ATP2A3: variants seen among roughly 807,000 people sequenced by gnomAD.
ATP2A3 encodes sarcoplasmic/endoplasmic reticulum calcium ATPase 3.
ATP2A3 carries 61 observed loss-of-function variants against 106.8 expected under a neutral mutation model. The observed-to-expected ratio is 0.57, with a 90% CI of 0.46 to 0.71. ATP2A3 has a LOEUF of 0.71. ATP2A3 is among the 30% of genes least tolerant of loss of function. The pLI is 0.00. For synonymous variants in ATP2A3, 611 were observed against 609.3 expected, an observed-to-expected ratio of 1.00 and a Z score of -0.04; for missense variants, 1,201 against 1,423.5, an observed-to-expected ratio of 0.84 and a Z score of 2.52.
Position 3,947,542 on chromosome 17 carries a change from A to G in ATP2A3, c.944T>C (p.Ile315Thr), listed in dbSNP as rs2054181793. The G allele has an allele frequency of 1.2e-6, 2 of 1,613,184 alleles. No individual in the cohort carries two copies. Among genetic ancestry groups the G allele is most frequent in the Non-Finnish European group, 8.5e-7 (1 of 1,179,944 alleles). Residue 315 changes from isoleucine (I) to threonine (T), a missense_variant, in exon 8 of 21, where the codon ATC becomes ACC. Ile to Thr is a moderately conservative substitution (Grantham distance 89). Around this residue, in one of 2 missense-constraint regions of ATP2A3, gnomAD observed 935 missense variants for 1,176.7 expected, o/e 0.79. Transcript: ENST00000397041. The surrounding 1 kb of genome is among the most constrained non-coding windows in gnomAD (Gnocchi z 7.7). ...AAIPEGLPAV[I>T]TTCLALGTRR... is the part of the protein sequence containing the mutation. The stretch of plus-strand genomic sequence containing the variant: ...CGTGCCCAGTGCCAGGCATGTAGTG[A>G]TGACAGCCGGGAGGCCCTCGGGGAT...
At position 3,936,295 on chromosome 17, in the gene ATP2A3, C is replaced by G; in HGVS notation, c.2496G>C (p.Trp832Cys). Residue 832 changes from tryptophan (W) to cysteine (C), a missense_variant, in exon 16 of 21, where the codon TGG becomes TGC. This residue lies in a region of ATP2A3 where 935 missense variants were observed against 1,176.7 expected (regional missense o/e 0.79). Coordinates refer to ENST00000397041, the MANE Select transcript of ATP2A3 (RefSeq NM_005173.4). The surrounding 1 kb of genome is among the most constrained non-coding windows in gnomAD (Gnocchi z 5.4). ...RSPREALISGWLFFRYLAIGV... is the reference protein window; with the variant it reads ...RSPREALISGCLFFRYLAIGV... ...CGATAGCCAGGTATCGGAAGAAGAG[C>G]CAGCCACTGATGAGGGCTTCTCGGG... The G allele has an allele frequency of 1.9e-6, 3 of 1,614,034 alleles. No individual in the cohort carries two copies. Among genetic ancestry groups the G allele is most frequent in the Non-Finnish European group, 2.5e-6 (3 of 1,179,996 alleles).
intron 9 of ATP2A3, 35 bp from the exon 10 acceptor site, chr17:3,944,841 G>A (rs1163043374): frequency 1.3e-6 from 2 of 1,578,794 alleles, no homozygotes; most frequent in Admixed American, 3.6e-5. Flanking sequence ...GAGGACCTCG[G>A]CTCCGCCCCC....
At position 3,959,020 on chromosome 17, in the gene ATP2A3, T is replaced by C. The variant is rs184495898; in HGVS notation, c.118+5154A>G. On this transcript the variant is annotated intron_variant, in intron 1 of 20. Transcript: ENST00000397041. ...GATTCTCCTGCCTCAGCCTCCCAAA[T>C]AGCTGGGATTACAGGCGCCTGCCAC... 7.3e-5 allele frequency among the ~76,000 whole-genome samples: 11 copies of C among 151,646 alleles called. 1 individual carries two copies. The East Asian group carries it at 2.1e-3, about 29-fold the overall frequency.
intron 1 of ATP2A3, among the ~76,000 whole-genome samples, chr17:3,958,821 C>CAT (rs1211492319): frequency 0.15 from 16,812 of 110,772 alleles, 3,280 homozygotes; most frequent in Middle Eastern, 0.25. Flanking sequence ...TATATATACA[C>CAT]ACATATATAT....
rs1180337024 is a variant in ATP2A3, at chr17:3,924,966, G to A, written c.*456C>T. ...TCCCAGACCAGGCACGAAGAGAGAG[G>A]TCAGAGCCGGTAAGAAGGACCCCCA... On this transcript the variant is annotated 3_prime_UTR_variant, in exon 21 of 21. Transcript: ENST00000397041. The surrounding 1 kb of genome is among the most constrained non-coding windows in gnomAD (Gnocchi z 6.4). The A allele has an allele frequency of 5.1e-6, 2 of 393,388 alleles. No homozygotes were observed. Among genetic ancestry groups the A allele is most frequent in the Non-Finnish European group, 1.0e-5 (2 of 199,134 alleles). The allele number at this position is 393,388 out of a possible 1,614,324, so 24.4% of individuals were successfully genotyped here.
intron 1 of ATP2A3, among the ~76,000 whole-genome samples, chr17:3,956,713 GGAGT>G (rs1435949908): frequency 4.6e-5 from 7 of 152,210 alleles, no homozygotes; most frequent in African/African-American, 1.7e-4. Flanking sequence ...GCACTCAGCA[GGAGT>G]GAGAAATGAG....
intron 14 of ATP2A3, among the ~76,000 whole-genome samples, chr17:3,940,275 G>C (rs548683712): frequency 6.6e-6 from 1 of 152,056 alleles, no homozygotes; most frequent in South Asian, 2.1e-4. Flanking sequence ...GCCTCAAAAA[G>C]GAAAAACAGA....
intron 14 of ATP2A3, among the ~76,000 whole-genome samples, chr17:3,938,585 G>A (rs985763488): frequency 5.3e-5 from 8 of 151,352 alleles, no homozygotes; most frequent in South Asian, 2.1e-4. Context: ...TCACTCTATC[G>A]CCCAGGCTGG....
rs549698967 is a variant in ATP2A3, at chr17:3,956,177, C to T, written c.119-2467G>A. 7.9e-5 allele frequency among the ~76,000 whole-genome samples: 12 copies of T among 152,280 alleles called. No homozygotes were observed. In the South Asian group the frequency reaches 1.9e-3, roughly 24 times the overall value. ...GATTAGAAGTGTGAGCCACCGCGCC[C>T]GGCTCAGTTCACCTTTCTCTACCTG... On this transcript the variant is annotated intron_variant, in intron 1 of 20. Coordinates refer to ENST00000397041, the MANE Select transcript of ATP2A3 (RefSeq NM_005173.4).
rs761563353 is a variant in ATP2A3, at chr17:3,935,209, T to G, written c.2593A>C (p.Ile865Leu). The G allele has an allele frequency of 6.2e-7, 1 of 1,614,054 alleles. No individual in the cohort carries two copies. Among genetic ancestry groups the G allele is most frequent in the South Asian group, 1.1e-5 (1 of 91,086 alleles). ...WFVYDAEGPHINFYQLRNFLK... is the reference protein window; with the variant it reads ...WFVYDAEGPHLNFYQLRNFLK... The stretch of plus-strand genomic sequence containing the variant: ...TTGCTCACCAGCTGGTAGAAGTTGA[T>G]GTGAGGTCCCTCGGCGTCATACACA... Residue 865 changes from isoleucine (I) to leucine (L), a missense_variant, in exon 17 of 21, where the codon ATC becomes CTC. This residue lies in a region of ATP2A3 where 935 missense variants were observed against 1,176.7 expected (regional missense o/e 0.79). Coordinates refer to ENST00000397041, the MANE Select transcript of ATP2A3 (RefSeq NM_005173.4).
chr17:3,962,097 C>T (rs776474044), intron 1 of ATP2A3, among the ~76,000 whole-genome samples: 1 of 152,294 alleles, frequency 6.6e-6, no homozygotes, highest in Non-Finnish European at 1.5e-5. Context: ...TCTAGGGACC[C>T]AAGAAGGCTG....
Position 3,936,597 on chromosome 17 carries a change from C to T in ATP2A3, c.2322-128G>A. 1.0e-6 allele frequency: 1 copy of T among 985,166 alleles called. No homozygotes were observed. The highest frequency in any genetic ancestry group is 1.6e-6 in the Non-Finnish European group (1 of 632,382). The allele number at this position is 985,166 out of a possible 1,614,324, so 61.0% of individuals were successfully genotyped here. On this transcript the variant is annotated intron_variant, in intron 15 of 20. Transcript: ENST00000397041. This position sits in a 1 kb window ranked among gnomAD's most constrained non-coding sequence, Gnocchi z 5.4. ...GTCTCCACAGCAGCCCCTCCTCCCT[C>T]CGCCAGCTGTGATGTGAAGGGTGTG...
In ATP2A3 at chr17:3,925,478, T is replaced by C. The variant is rs1255795064; in HGVS notation, c.2981-37A>G. 1.2e-5 allele frequency: 20 copies of C among 1,602,410 alleles called. No homozygotes were observed. The Admixed American group carries it at 2.9e-4, about 23-fold the overall frequency. The stretch of plus-strand genomic sequence containing the variant: ...ACCCAAGAGCGCGTTAAGATGTATG[T>C]GTAAGGGCACACATCCAGACAGCTT... On this transcript the variant is annotated intron_variant, in intron 20 of 20. Transcript: ENST00000397041. This position sits in a 1 kb window ranked among gnomAD's most constrained non-coding sequence, Gnocchi z 4.2.
chr17:3,925,099 G>A lies in ATP2A3; in HGVS notation c.*323C>T, dbSNP rs1456211538. ...CGTGATTTGGGGGTGGGGGGGCCCC[G>A]GATCTCTGGGTATGCTGCCAGCTCC... On this transcript the variant is annotated 3_prime_UTR_variant, in exon 21 of 21. Transcript: ENST00000397041. The surrounding 1 kb of genome is among the most constrained non-coding windows in gnomAD (Gnocchi z 4.2). 20 of 545,060 alleles carry A rather than the reference G, an allele frequency of 3.7e-5. No individual in the cohort carries two copies. The highest frequency in any genetic ancestry group is 1.9e-4 in the Admixed American group (6 of 31,912). 33.8% of individuals were successfully genotyped at this position (545,060 alleles called of 1,614,324 possible).
chr17:3,933,450 G>A (rs899437510), intron 17 of ATP2A3, among the ~76,000 whole-genome samples: 6 of 150,212 alleles, frequency 4.0e-5, no homozygotes, highest in Non-Finnish European at 7.4e-5. Flanking sequence ...TAGAAGGTGC[G>A]CTGGGGTCCG....
intron 7 of ATP2A3, among the ~76,000 whole-genome samples, chr17:3,948,074 C>T (rs1235100784): frequency 1.3e-5 from 2 of 152,188 alleles, no homozygotes; most frequent in South Asian, 4.1e-4. Context: ...TTGGGTTCAT[C>T]GCCGTATCCC....
chr17:3,931,742 A>T (rs371654112), intron 17 of ATP2A3, among the ~76,000 whole-genome samples: 1 of 152,064 alleles, frequency 6.6e-6, no homozygotes, highest in Non-Finnish European at 1.5e-5. Context: ...AGGATGGTCT[A>T]GAACTCCTGA....
chr17:3,962,044 T>C (rs138411148), intron 1 of ATP2A3, among the ~76,000 whole-genome samples: 127 of 152,234 alleles, frequency 8.3e-4, no homozygotes, highest in African/African-American at 3.0e-3. Context: ...TCTAGAGCCC[T>C]GGAATGCCCC....
chr17:3,924,714 C>A lies in ATP2A3; in HGVS notation c.*708G>T. On this transcript the variant is annotated 3_prime_UTR_variant, in exon 21 of 21. Coordinates refer to ENST00000397041, the MANE Select transcript of ATP2A3 (RefSeq NM_005173.4). The surrounding 1 kb of genome is among the most constrained non-coding windows in gnomAD (Gnocchi z 6.4). ...CTGAGGCAGTCCAGCCAGGCTTTCCCGACTTGTCTCCCGGGAAAGGACATC... is the reference window on the plus strand; with the variant it reads ...CTGAGGCAGTCCAGCCAGGCTTTCCAGACTTGTCTCCCGGGAAAGGACATC... 2.2e-6 allele frequency: 1 copy of A among 456,114 alleles called. No individual in the cohort carries two copies. The highest frequency in any genetic ancestry group is 1.6e-5 in the South Asian group (1 of 64,510). 28.3% of individuals were successfully genotyped at this position (456,114 alleles called of 1,614,324 possible).
Sources: gnomAD v4.1 joint callset for allele counts (sites outside exome capture counted in the v4.1 genomes callset) on GRCh38, gnomAD v4.1.1 for gene constraint, gnomAD v4.1.1 regional missense constraint, Gnocchi (gnomAD v3.1) non-coding constraint, MANE v1.5 for transcripts, NCBI Gene and HGNC (gene_info 2026-07-23, HGNC 2026-07-21) for gene names.